Variants in SLC13A1 observed in about 807,000 individuals in gnomAD.
SLC13A1 encodes the protein solute carrier family 13 member 1, also known as Na(+)/sulfate cotransporter.
Under a neutral mutation model 70.0 loss-of-function variants are expected in SLC13A1, and 65 were observed. That is an observed-to-expected ratio of 0.93 (90% CI 0.76 to 1.14). SLC13A1 has a LOEUF of 1.14. Among genes scored for constraint, SLC13A1 ranks in the 50% most tolerant of loss-of-function variants. The pLI is 0.00. For missense variants in SLC13A1, 726 were observed against 717.8 expected (o/e 1.01, Z -0.13); for synonymous variants, 275 against 250.5 (o/e 1.10, Z -0.92).
At chr7:123,148,778 G>A (rs934349646) in intron 6 of SLC13A1, among the ~76,000 whole-genome samples, 4 of 152,008 alleles carry the variant, frequency 2.6e-5, no homozygotes, top group Non-Finnish European at 4.4e-5. Flanking sequence ...GCTGGAAGGA[G>A]GTTTGTGAGT....
chr7:123,146,273 C>T (rs1794347665), intron 7 of SLC13A1, among the ~76,000 whole-genome samples: 1 of 152,108 alleles, frequency 6.6e-6, no homozygotes, highest in African/African-American at 2.4e-5. Context: ...GCCTATAATC[C>T]TAGCACTTTG....
At chr7:123,178,234 T>G (rs1174899685) in intron 2 of SLC13A1, among the ~76,000 whole-genome samples, 1 of 152,156 alleles carries the variant, frequency 6.6e-6, no homozygotes, top group East Asian at 1.9e-4. Flanking sequence ...AATACAGTAA[T>G]GGGCTCAGCA....
chr7:123,150,639 C>T (rs564383966), intron 6 of SLC13A1, among the ~76,000 whole-genome samples: 128 of 152,242 alleles, frequency 8.4e-4, no homozygotes, highest in African/African-American at 2.8e-3. Flanking sequence ...CAATGCACTT[C>T]CTGTGATTAT....
At chr7:123,155,839 G>T (rs543070361) in intron 6 of SLC13A1, among the ~76,000 whole-genome samples, 44 of 152,204 alleles carry the variant, frequency 2.9e-4, no homozygotes, top group African/African-American at 1.0e-3. Flanking sequence ...GACCAGTGTA[G>T]GTAGAAGGCC....
rs1793290744 is a variant in SLC13A1 at position 123,119,252 on chromosome 7, A to C, written c.1351-10T>G. 6.4e-7 allele frequency: 1 copy of C among 1,573,304 alleles called. No homozygotes were observed. Among genetic ancestry groups the C allele is most frequent in the Admixed American group, 1.8e-5 (1 of 55,694 alleles). On this transcript the variant is annotated splice_polypyrimidine_tract_variant and intron_variant, in intron 12 of 14. Transcript: ENST00000194130. ...TAGATAATCCAGACTCCTAAAAAAC[A>C]AATTTGCAATATTTGTTACTCATGA...
chr7:123,123,765 A>G (rs1793466721), intron 11 of SLC13A1, among the ~76,000 whole-genome samples: 1 of 152,204 alleles, frequency 6.6e-6, no homozygotes, highest in African/African-American at 2.4e-5. Flanking sequence ...CAGATTAAAT[A>G]AAGTATTATT....
intron 7 of SLC13A1, among the ~76,000 whole-genome samples, chr7:123,142,562 A>G (rs1279834839): frequency 6.6e-6 from 1 of 152,016 alleles, no homozygotes; most frequent in African/African-American, 2.4e-5. Context: ...ACCTGAAGCC[A>G]GCAACTCTTA....
chr7:123,191,674 T>C (rs1796001106), intron 1 of SLC13A1, among the ~76,000 whole-genome samples: 1 of 152,230 alleles, frequency 6.6e-6, no homozygotes, highest in African/African-American at 2.4e-5. Context: ...ATGCTTATAA[T>C]GTGCCAGATA....
At chr7:123,136,456 G>A (rs1291527554) in intron 7 of SLC13A1, among the ~76,000 whole-genome samples, 1 of 152,106 alleles carries the variant, frequency 6.6e-6, no homozygotes, top group East Asian at 1.9e-4. Context: ...TTCTTTTGCT[G>A]TGATGTTCCT....
intron 11 of SLC13A1, 32 bp from the exon 12 acceptor site, chr7:123,123,267 G>T: frequency 7.6e-7 from 1 of 1,313,950 alleles, no homozygotes; most frequent in Non-Finnish European, 1.1e-6. Context: ...GTTACACATT[G>T]CTTAAAATAT....
In SLC13A1 at chr7:123,115,411, C is replaced by A; in HGVS notation, c.*107G>T. Reference sequence around the variant, plus strand: ...TTCACAGGAATTGCAGCAGCTACACCATAACTGATTTAAATGTGTGTCATT... The same window carrying A: ...TTCACAGGAATTGCAGCAGCTACACAATAACTGATTTAAATGTGTGTCATT... On this transcript the variant is annotated 3_prime_UTR_variant, in exon 15 of 15. Transcript: ENST00000194130. 1 of 1,169,154 alleles carries A rather than the reference C, an allele frequency of 8.6e-7. No homozygotes were observed. The highest frequency in any genetic ancestry group is 1.2e-6 in the Non-Finnish European group (1 of 815,478). The allele number at this position is 1,169,154 out of a possible 1,614,324, so 72.4% of individuals were successfully genotyped here.
intron 14 of SLC13A1, 21 bp downstream of exon 14, chr7:123,117,450 T>C (rs759927583): frequency 1.9e-6 from 3 of 1,544,188 alleles, no homozygotes; most frequent in East Asian, 2.2e-5. Flanking sequence ...GATTTGATAG[T>C]ATTTTTTTCA....
At chr7:123,165,751 T>C (rs1289921707) in intron 6 of SLC13A1, among the ~76,000 whole-genome samples, 1 of 152,212 alleles carries the variant, frequency 6.6e-6, no homozygotes, top group African/African-American at 2.4e-5. Context: ...CTCTAGCATC[T>C]GCATTGTAGA....
At chr7:123,150,978 T>G (rs1794533928) in intron 6 of SLC13A1, among the ~76,000 whole-genome samples, 1 of 152,096 alleles carries the variant, frequency 6.6e-6, no homozygotes, top group Non-Finnish European at 1.5e-5. Flanking sequence ...ACCAAACTTC[T>G]GTCTTCAGCC....
rs776557809 is a variant in SLC13A1, at chr7:123,169,299, C to T, written c.402G>A (p.Leu134=). The T allele has an allele frequency of 6.2e-7, 1 of 1,613,494 alleles. No individual in the cohort carries two copies. ...TCGAGGTGTTGCTGAGCCACATAGACAAAAAGGCAGTGCTGCTCATGAACC... is the reference window on the plus strand; with the variant it reads ...TCGAGGTGTTGCTGAGCCACATAGATAAAAAGGCAGTGCTGCTCATGAACC... The part of the protein sequence containing the change: ...TLGFMSSTAF[L]SMWLSNTSTA... The change falls in exon 4 of 15, where the codon TTG becomes TTA. Residue 134 remains leucine, a synonymous_variant. Transcript: ENST00000194130.
chr7:123,165,263 A>T (rs1282983311), intron 6 of SLC13A1, among the ~76,000 whole-genome samples: 1 of 152,112 alleles, frequency 6.6e-6, no homozygotes, highest in Non-Finnish European at 1.5e-5. Context: ...GCAGCAAAAA[A>T]CTATTCCTGT....
In SLC13A1 at chr7:123,181,062, A is replaced by G. The variant is rs1795622875; in HGVS notation, c.139T>C (p.Phe47Leu). The G allele has an allele frequency of 3.1e-6, 5 of 1,612,728 alleles. No homozygotes were observed. Among genetic ancestry groups the G allele is most frequent in the Admixed American group, 3.3e-5 (2 of 59,854 alleles). The stretch of plus-strand genomic sequence containing the variant: ...AGAGGCAATGCTTCTGTGAGCCAAA[A>G]TGTGGCGACCACAAAGAGTGTGTAG... ...CAYTLFVVAT[F>L]WLTEALPLSV... is the part of the protein sequence containing the mutation. Residue 47 changes from phenylalanine (F) to leucine (L), a missense_variant, in exon 2 of 15, where the codon TTT (phenylalanine) becomes CTT (leucine). Phe to Leu is a conservative substitution (Grantham distance 22). Transcript: ENST00000194130.
intron 10 of SLC13A1, 46 bp from the exon 11 acceptor site, chr7:123,125,721 T>A: frequency 7.2e-7 from 1 of 1,390,270 alleles, no homozygotes; most frequent in Non-Finnish European, 1.0e-6. Flanking sequence ...ATCAAGAACT[T>A]AAATGAGCTA....
chr7:123,181,031 A>G lies in SLC13A1; in HGVS notation c.170T>C (p.Val57Ala). The change falls in exon 2 of 15, where the codon GTA (valine) becomes GCA (alanine). Residue 57 changes from valine to alanine, a missense_variant. Val to Ala is a moderately conservative substitution (Grantham distance 64). Transcript: ENST00000194130. ...CATTAAACTAGGTAGCAAAGCTGTTACCGACAGAGGCAATGCTTCTGTGAG... is the reference window on the plus strand; with the variant it reads ...CATTAAACTAGGTAGCAAAGCTGTTGCCGACAGAGGCAATGCTTCTGTGAG... ...FWLTEALPLS[V>A]TALLPSLMLP... 2 of 1,612,958 alleles carry G rather than the reference A, an allele frequency of 1.2e-6. No individual in the cohort carries two copies. The highest frequency in any genetic ancestry group is 1.7e-6 in the Non-Finnish European group (2 of 1,179,212).
Sources: allele counts gnomAD v4.1 joint callset (sites outside exome capture counted in the v4.1 genomes callset), GRCh38; gene constraint gnomAD v4.1.1; transcripts MANE v1.5; gene names NCBI Gene and HGNC (gene_info 2026-07-23, HGNC 2026-07-21).